METTL17: variants seen among roughly 807,000 people sequenced by gnomAD.
METTL17 encodes the protein ribosome assembly protein METTL17, mitochondrial.
Under a neutral mutation model 59.4 loss-of-function variants are expected in METTL17, and 49 were observed. That is an observed-to-expected ratio of 0.82 (90% CI 0.66 to 1.05). METTL17 has a LOEUF of 1.05. Ranked by LOEUF, METTL17 falls within the 50% of genes least tolerant of loss-of-function variation. The pLI is 0.00. For synonymous variants in METTL17, 208 were observed against 209.2 expected, an observed-to-expected ratio of 0.99 and a Z score of 0.05; for missense variants, 555 against 578.4, an observed-to-expected ratio of 0.96 and a Z score of 0.41.
intron 6 of METTL17, 106 bp from the exon 7 acceptor site, chr14:20,993,863 A>G (rs1880195851): frequency 2.9e-6 from 2 of 686,124 alleles, no homozygotes; most frequent in South Asian, 2.0e-5. Flanking sequence ...CTACTTTAAC[A>G]TAACACTCTC....
chr14:20,992,077 C>T (rs1261686142), intron 3 of METTL17, 47 bp from the exon 4 acceptor site: 8 of 1,561,510 alleles, frequency 5.1e-6, no homozygotes, highest in Non-Finnish European at 6.2e-6. Context: ...TGGATCTGAG[C>T]CCTGTTCTCC....
At position 20,996,645 on chromosome 14, in the gene METTL17, A is replaced by T; in HGVS notation, c.1199A>T (p.His400Leu). ...GTCCTTAAACGGCCTCGCCATGTGC[A>T]TTGTCACTTGTGCTGTCCAGATGGG... ...QPVLKRPRHV[H>L]CHLCCPDGHM... is the part of the protein sequence containing the mutation. The change falls in exon 13 of 14, where the codon CAT becomes CTT. Residue 400 changes from histidine (H) to leucine (L), a missense_variant. By Grantham distance (99) the His-to-Leu change is moderately conservative. Coordinates refer to ENST00000339374, the MANE Select transcript of METTL17 (RefSeq NM_022734.3). The T allele has an allele frequency of 2.5e-6, 4 of 1,614,196 alleles. No homozygotes were observed. Among genetic ancestry groups the T allele is most frequent in the Non-Finnish European group, 3.4e-6 (4 of 1,180,036 alleles).
At chr14:20,992,263 T>TG in intron 4 of METTL17, 58 bp downstream of exon 4, 3 of 1,079,914 alleles carry the variant, frequency 2.8e-6, no homozygotes, top group Middle Eastern at 4.1e-4. Flanking sequence ...GAAAGAGAGT[T>TG]GGGGGAGTAC....
chr14:20,994,471 C>T, intron 7 of METTL17, 72 bp from the exon 8 acceptor site: 3 of 1,301,580 alleles, frequency 2.3e-6, no homozygotes, highest in Non-Finnish European at 3.3e-6. Flanking sequence ...GGCCATGTTT[C>T]TTATCTGGAT....
At chr14:20,992,370 T>C (rs1594340517) in intron 4 of METTL17, 165 bp downstream of exon 4, 1 of 729,744 alleles carries the variant, frequency 1.4e-6, no homozygotes, top group Non-Finnish European at 2.3e-6. Flanking sequence ...TTTTGAACAC[T>C]GAAGTTTGAA....
In METTL17 at chr14:20,992,170, A is replaced by G; in HGVS notation, c.411A>G (p.Ala137=). ...AACTTCGTGGAGCAGTGCTACACGC[A>G]CTACGTAAAACTACCTACCATTGGC... ...EEKLRGAVLH[A]LRKTTYHWQE... The change falls in exon 4 of 14, where the codon GCA becomes GCG. Residue 137 remains alanine (A), a synonymous_variant. Coordinates refer to ENST00000339374, the MANE Select transcript of METTL17 (RefSeq NM_022734.3). 2 of 1,610,146 alleles carry G rather than the reference A, an allele frequency of 1.2e-6. No individual in the cohort carries two copies. The highest frequency in any genetic ancestry group is 1.7e-6 in the Non-Finnish European group (2 of 1,178,898).
At position 20,994,797 on chromosome 14, in the gene METTL17, C is replaced by A; in HGVS notation, c.772C>A (p.Gln258Lys). The change falls in exon 9 of 14, where the codon CAG becomes AAG. Residue 258 changes from glutamine (Q) to lysine (K), a missense_variant. Physicochemically the swap from Gln to Lys is moderately conservative, Grantham distance 53. Coordinates refer to ENST00000339374, the MANE Select transcript of METTL17 (RefSeq NM_022734.3). ...RQFLPVSPKV[Q>K]FDVVVSAFSL... ...TGTTCCTTGTCTTGGTCCTCAGGTG[C>A]AGTTTGATGTAGTAGTGTCAGCTTT... 6.2e-7 allele frequency: 1 copy of A among 1,612,814 alleles called. No homozygotes were observed. Among genetic ancestry groups the A allele is most frequent in the Non-Finnish European group, 8.5e-7 (1 of 1,178,856 alleles).
chr14:20,993,898 T>A, intron 6 of METTL17, 71 bp from the exon 7 acceptor site: 1 of 1,114,100 alleles, frequency 9.0e-7, no homozygotes, highest in Non-Finnish European at 1.3e-6. Context: ...GGGTTGGGTG[T>A]AAATGGGCCT....
In METTL17 at chr14:20,992,200, A is replaced by T; in HGVS notation, c.441A>T (p.Glu147Asp). 3.7e-6 allele frequency: 6 copies of T among 1,602,532 alleles called. No homozygotes were observed. The highest frequency in any genetic ancestry group is 5.1e-6 in the Non-Finnish European group (6 of 1,174,176). ...GTAAAACTACCTACCATTGGCAAGA[A>T]CTGAGGTAAGGGGGCCCAGAAGAGG... is the stretch of plus-strand genomic sequence containing the variant. ...ALRKTTYHWQ[E>D]LSYTEGLSLV... Residue 147 changes from glutamate to aspartate, a missense_variant, in exon 4 of 14, where the codon GAA becomes GAT. Physicochemically the swap from Glu to Asp is conservative, Grantham distance 45. Transcript: ENST00000339374.
chr14:20,994,636 T>C (rs180952848), intron 8 of METTL17, 23 bp downstream of exon 8: 3 of 1,609,648 alleles, frequency 1.9e-6, no homozygotes, highest in Non-Finnish European at 8.5e-7. Context: ...GTTTAGAATA[T>C]TCTAAATGTG....
At position 20,990,569 on chromosome 14, in the gene METTL17, A is replaced by T; in HGVS notation, c.335A>T (p.His112Leu). 1 of 1,614,248 alleles carries T rather than the reference A, an allele frequency of 6.2e-7. No homozygotes were observed. The highest frequency in any genetic ancestry group is 8.5e-7 in the Non-Finnish European group (1 of 1,180,044). ...GAGGAGTTGCAAAGACGGGCTAGGCATCTTGAGAAAAAATTCCTGGAAAAC... is the reference window on the plus strand; with the variant it reads ...GAGGAGTTGCAAAGACGGGCTAGGCTTCTTGAGAAAAAATTCCTGGAAAAC... ...EPEELQRRAR[H>L]LEKKFLENPD... The change falls in exon 3 of 14, where the codon CAT becomes CTT. Residue 112 changes from histidine (H) to leucine (L), a missense_variant. Physicochemically the swap from His to Leu is moderately conservative, Grantham distance 99 (BLOSUM62 -3). Transcript: ENST00000339374.
chr14:20,995,687 C>A, intron 10 of METTL17: 1 of 565,814 alleles, frequency 1.8e-6, no homozygotes, highest in Non-Finnish European at 3.2e-6. Flanking sequence ...GGGAGAGCAC[C>A]GTACTATGTG....
intron 3 of METTL17, chr14:20,990,802 A>G (rs1053941609): frequency 1.1e-5 from 7 of 625,222 alleles, no homozygotes; most frequent in South Asian, 8.8e-5. Context: ...ATGTCCCAGT[A>G]TACTGTTTTT....
chr14:20,992,388 T>C (rs1277907510), intron 4 of METTL17, 153 bp from the exon 5 acceptor site: 1 of 732,972 alleles, frequency 1.4e-6, no homozygotes, highest in Non-Finnish European at 2.3e-6. Flanking sequence ...GAAAATTTAG[T>C]GTTTGTAAGT....
intron 10 of METTL17, 145 bp downstream of exon 10, chr14:20,995,378 T>C: frequency 1.4e-6 from 1 of 712,734 alleles, no homozygotes; most frequent in South Asian, 1.8e-5. Context: ...AGAGCAGTGG[T>C]TGGCAAATGA....
At position 20,992,559 on chromosome 14, in the gene METTL17, C is replaced by T. The variant is rs371262036; in HGVS notation, c.465C>T (p.Ser155=). The change falls in exon 5 of 14, where the codon AGC becomes AGT. Residue 155 remains serine (S), a synonymous_variant. Transcript: ENST00000339374. ...ATGGCAGCTACACTGAGGGACTGAGCCTGGTGTATATGGCAGCAAGACTGG... is the reference window on the plus strand; with the variant it reads ...ATGGCAGCTACACTGAGGGACTGAGTCTGGTGTATATGGCAGCAAGACTGG... The part of the protein sequence containing the change: ...WQELSYTEGL[S]LVYMAARLDG... 2.5e-6 allele frequency: 4 copies of T among 1,613,696 alleles called. No individual in the cohort carries two copies. Among genetic ancestry groups the T allele is most frequent in the African/African-American group, 2.7e-5 (2 of 74,872 alleles).
intron 12 of METTL17, 87 bp downstream of exon 12, chr14:20,996,379 T>C (rs1423500875): frequency 1.5e-5 from 23 of 1,517,094 alleles, no homozygotes; most frequent in Non-Finnish European, 1.7e-5. Flanking sequence ...AGTTGGATAA[T>C]TTGTAGAATA....
chr14:20,990,053 C>CTA lies in METTL17; in HGVS notation c.51_52insTA (p.Leu18TyrfsTer14). 6.2e-7 allele frequency: 1 copy of CTA among 1,613,378 alleles called. No individual in the cohort carries two copies. On this transcript the variant is annotated frameshift_variant, in exon 1 of 14. Transcript: ENST00000339374. LOFTEE classifies it high-confidence loss of function. The stretch of plus-strand genomic sequence containing the variant: ...TGACATTAGGAAGATGGTGCCCCGG[C>CTA]CTTGGAGTGGCTCCCCAGGCCCGGG...
rs1284676570 is a variant in METTL17, at chr14:20,994,822, T to G, written c.797T>G (p.Phe266Cys). The G allele has an allele frequency of 6.2e-6, 10 of 1,614,034 alleles. No individual in the cohort carries two copies. In the Admixed American group the frequency reaches 6.7e-5, roughly 11 times the overall value. ...CAGTTTGATGTAGTAGTGTCAGCTT[T>G]TTCCTTAAGTGAACTGCCCAGCAAG... ...KVQFDVVVSA[F>C]SLSELPSKAD... The change falls in exon 9 of 14, where the codon TTT (phenylalanine) becomes TGT (cysteine). Residue 266 changes from phenylalanine (F) to cysteine (C), a missense_variant. Transcript: ENST00000339374.
Sources: allele counts gnomAD v4.1 joint callset, GRCh38; gene constraint gnomAD v4.1.1; transcripts MANE v1.5; gene names NCBI Gene and HGNC (gene_info 2026-07-23, HGNC 2026-07-21).